Variants in ICA1L observed in about 807,000 individuals in gnomAD.
ICA1L encodes the protein islet cell autoantigen 1 like, also known as islet cell autoantigen 1-like protein.
ICA1L carries 50 observed loss-of-function variants against 61.3 expected under a neutral mutation model. The observed-to-expected ratio is 0.82, with a 90% CI of 0.65 to 1.03. The LOEUF (loss-of-function observed/expected upper bound fraction) is 1.03, where lower values mean the gene tolerates loss of function less well. ICA1L is among the 50% of genes least tolerant of loss of function. The pLI, the probability that ICA1L is intolerant of heterozygous loss-of-function variation, is 0.00. For synonymous variants in ICA1L, 161 were observed against 191.3 expected (o/e 0.84, Z 1.31); for missense variants, 508 against 556.7 (o/e 0.91, Z 0.88).
chr2:202,856,630 G>GGGCAATCTGGCCAC (rs1179967827), intron 1 of ICA1L, among the ~76,000 whole-genome samples: 2 of 152,130 alleles, frequency 1.3e-5, no homozygotes, highest in Non-Finnish European at 2.9e-5. Context: ...GTTCTGGCCA[G>GGGCAATCTGGCCAC]GGCAATCAGG....
At chr2:202,789,622 TA>T (rs1692687409) in intron 10 of ICA1L, among the ~76,000 whole-genome samples, 1 of 152,152 alleles carries the variant, frequency 6.6e-6, no homozygotes, top group African/African-American at 2.4e-5. Flanking sequence ...GCTCTGATCA[TA>T]ATGCAATAAA....
In ICA1L at chr2:202,821,310, A is replaced by T. The variant is rs761766798; in HGVS notation, c.359+48T>A. The T allele has an allele frequency of 2.5e-6, 4 of 1,586,058 alleles. No homozygotes were observed. In the South Asian group the frequency reaches 4.6e-5, roughly 18 times the overall value. On this transcript the variant is annotated intron_variant, in intron 4 of 12. Coordinates refer to ENST00000358299, the MANE Select transcript of ICA1L (RefSeq NM_001288622.3). Reference sequence around the variant, plus strand: ...TGCAAATTTAAGTACACATGTCAAAACTGTCAGATTGACTACAGATTCAAG... The same window carrying T: ...TGCAAATTTAAGTACACATGTCAAATCTGTCAGATTGACTACAGATTCAAG...
chr2:202,851,257 C>T (rs1200987779), intron 1 of ICA1L, among the ~76,000 whole-genome samples: 3 of 151,338 alleles, frequency 2.0e-5, no homozygotes, highest in Non-Finnish European at 4.4e-5. Flanking sequence ...TGAGAACATG[C>T]AGTGTTTGTT....
At chr2:202,782,418 T>G (rs1574320502) in intron 12 of ICA1L, among the ~76,000 whole-genome samples, 2 of 152,052 alleles carry the variant, frequency 1.3e-5, no homozygotes, top group South Asian at 2.1e-4. Context: ...TTTTGGTTTT[T>G]TTTTTTTGAG....
chr2:202,774,302 G>T lies in ICA1L; in HGVS notation c.*5231C>A. ...GTGCAGGCACCTACGGGCGACCGCG[G>T]ACGGCGGCGCGCGCGTTCCCCGCAG... On this transcript the variant is annotated 3_prime_UTR_variant, in exon 13 of 13. Coordinates refer to ENST00000358299, the MANE Select transcript of ICA1L (RefSeq NM_001288622.3). 1 of 1,513,790 alleles carries T rather than the reference G, an allele frequency of 6.6e-7. No homozygotes were observed. Among genetic ancestry groups the T allele is most frequent in the Non-Finnish European group, 8.8e-7 (1 of 1,136,974 alleles). 93.8% of individuals were successfully genotyped at this position (1,513,790 alleles called of 1,614,324 possible). A position where few individuals can be genotyped will look rare whatever the true frequency, so the allele number is the denominator to read the frequency against.
chr2:202,868,531 C>T (rs1445011634), intron 1 of ICA1L, among the ~76,000 whole-genome samples: 1 of 152,140 alleles, frequency 6.6e-6, no homozygotes, highest in East Asian at 1.9e-4. Context: ...GTGCAAGACA[C>T]ACAGTAGATA....
intron 9 of ICA1L, among the ~76,000 whole-genome samples, chr2:202,805,527 G>A (rs1693199710): frequency 6.6e-6 from 1 of 152,016 alleles, no homozygotes; most frequent in African/African-American, 2.4e-5. Flanking sequence ...CTTGAGGCCA[G>A]GAGTTCAAGA....
chr2:202,788,346 G>A (rs755062968), intron 11 of ICA1L, among the ~76,000 whole-genome samples: 5 of 152,144 alleles, frequency 3.3e-5, no homozygotes, highest in Admixed American at 2.0e-4. Flanking sequence ...GAACTGACAG[G>A]ATTTGGTAAC....
chr2:202,862,247 G>A (rs1290368753), intron 1 of ICA1L, among the ~76,000 whole-genome samples: 1 of 107,212 alleles, frequency 9.3e-6, no homozygotes, highest in Non-Finnish European at 1.7e-5. Context: ...ACCTGTCTGA[G>A]CAACACAGTA....
chr2:202,864,266 C>CG (rs1452335590), intron 1 of ICA1L, among the ~76,000 whole-genome samples: 1 of 151,062 alleles, frequency 6.6e-6, no homozygotes, highest in Non-Finnish European at 1.5e-5. Context: ...TTTTTCGAGA[C>CG]GGAGTCTTGC....
rs758242320 is a variant in ICA1L, at chr2:202,777,344, T to A, written c.*2189A>T. 2.0e-5 allele frequency: 3 copies of A among 152,180 alleles called. No homozygotes were observed. Among genetic ancestry groups the A allele is most frequent in the Non-Finnish European group, 4.4e-5 (3 of 68,096 alleles). 9.4% of individuals were successfully genotyped at this position (152,180 alleles called of 1,614,324 possible). A position where few individuals can be genotyped will look rare whatever the true frequency, so the allele number is the denominator to read the frequency against. ...CTGGGATTACAGGCGTGAGCCACCA[T>A]GCCCAGCCAAAGTTTTAGCATTTTT... On this transcript the variant is annotated 3_prime_UTR_variant, in exon 13 of 13. Transcript: ENST00000358299.
intron 1 of ICA1L, chr2:202,860,335 C>G (rs1170505123): frequency 1.4e-5 from 2 of 146,778 alleles, no homozygotes; most frequent in African/African-American, 4.9e-5. Flanking sequence ...AAAGGAACAC[C>G]AATATGGTTG....
Position 202,774,564 on chromosome 2 carries a change from C to G in ICA1L, c.*4969G>C. Reference sequence around the variant, plus strand: ...ACAGGAAAAAAAGTTGTAATATACTCACAGGTCCTAGAGAGACCAGTCACT... The same window carrying G: ...ACAGGAAAAAAAGTTGTAATATACTGACAGGTCCTAGAGAGACCAGTCACT... On this transcript the variant is annotated 3_prime_UTR_variant, in exon 13 of 13. Coordinates refer to ENST00000358299, the MANE Select transcript of ICA1L (RefSeq NM_001288622.3). 2.6e-6 allele frequency: 1 copy of G among 381,508 alleles called. No homozygotes were observed. 23.6% of individuals were successfully genotyped at this position (381,508 alleles called of 1,614,324 possible).
At chr2:202,820,202 T>C (rs1489336694) in intron 4 of ICA1L, among the ~76,000 whole-genome samples, 1 of 151,984 alleles carries the variant, frequency 6.6e-6, no homozygotes, top group East Asian at 1.9e-4. Context: ...GGCGAAACCC[T>C]GTCTCTACTA....
At chr2:202,794,944 TA>T (rs1692877657) in intron 10 of ICA1L, among the ~76,000 whole-genome samples, 1 of 146,124 alleles carries the variant, frequency 6.8e-6, no homozygotes, top group African/African-American at 2.5e-5. Flanking sequence ...AGCTTTTTAA[TA>T]AAGCCCCACA....
intron 12 of ICA1L, among the ~76,000 whole-genome samples, chr2:202,784,878 T>C (rs1692530890): frequency 1.3e-5 from 2 of 152,150 alleles, no homozygotes; most frequent in Admixed American, 1.3e-4. Context: ...AAGATCTGTT[T>C]CACAGCAGTA....
At chr2:202,852,980 G>A (rs931430077) in intron 1 of ICA1L, among the ~76,000 whole-genome samples, 9 of 151,832 alleles carry the variant, frequency 5.9e-5, no homozygotes, top group African/African-American at 2.2e-4. Context: ...AAATGGTGCT[G>A]GTAAAACTGG....
At position 202,820,706 on chromosome 2, in the gene ICA1L, T is replaced by C. The variant is rs547080359; in HGVS notation, c.359+652A>G. Among the ~76,000 whole-genome samples, 11 of 152,328 alleles carry C rather than the reference T, an allele frequency of 7.2e-5. 1 individual carries two copies. The East Asian group carries it at 9.6e-4, about 13-fold the overall frequency. On this transcript the variant is annotated intron_variant, in intron 4 of 12. Transcript: ENST00000358299. ...TTCCTCCTTTTTGCTTAGTGACCAT[T>C]GGAGGGCCCTGTACTTAGTACCTCC...
intron 12 of ICA1L, among the ~76,000 whole-genome samples, chr2:202,784,792 G>A (rs938134295): frequency 6.6e-6 from 1 of 152,178 alleles, no homozygotes; most frequent in African/African-American, 2.4e-5. Flanking sequence ...AAGCAGAATG[G>A]TGGTTACCGG....
Sources: gnomAD v4.1 joint callset for allele counts (sites outside exome capture counted in the v4.1 genomes callset) on GRCh38, gnomAD v4.1.1 for gene constraint, MANE v1.5 for transcripts, NCBI Gene and HGNC (gene_info 2026-07-23, HGNC 2026-07-21) for gene names.